The following YARS1 variants were observed in gnomAD, a reference collection of about 807,000 sequenced individuals.
YARS1 encodes the protein tyrosyl-tRNA synthetase 1.
A neutral mutation model predicts 62.2 loss-of-function variants in YARS1; 36 were observed. The observed-to-expected ratio is 0.58, with a 90% CI of 0.44 to 0.76. The LOEUF (loss-of-function observed/expected upper bound fraction) is 0.76, where lower values mean the gene tolerates loss of function less well. YARS1 is among the 30% of genes least tolerant of loss of function. The pLI is 0.00. For synonymous variants in YARS1, 234 were observed against 244.9 expected (o/e 0.96, Z 0.42); for missense variants, 524 against 639.8 (o/e 0.82, Z 1.95).
chr1:32,780,971 G>C (rs1653034109), intron 10 of YARS1, 77 bp downstream of exon 10: 1 of 1,363,118 alleles, frequency 7.3e-7, no homozygotes, highest in African/African-American at 1.4e-5. Context: ...CCCATCTCCA[G>C]GCCACGTTTC....
intron 5 of YARS1, among the ~76,000 whole-genome samples, chr1:32,795,021 AAAAAAAAG>A (rs1653531761): frequency 6.8e-6 from 1 of 148,120 alleles, no homozygotes; most frequent in South Asian, 2.1e-4. Flanking sequence ...AAAAAAAAAA[AAAAAAAAG>A]ATGAGTTTTG....
chr1:32,785,733 C>T (rs1207123157), intron 8 of YARS1, among the ~76,000 whole-genome samples: 1 of 151,674 alleles, frequency 6.6e-6, no homozygotes, highest in African/African-American at 2.4e-5. Context: ...CAGGTGCGTG[C>T]CACCATGCCT....
chr1:32,790,096 C>T (rs982816102), intron 6 of YARS1, among the ~76,000 whole-genome samples: 1 of 148,460 alleles, frequency 6.7e-6, no homozygotes, highest in African/African-American at 2.5e-5. Context: ...GTTGGACAGG[C>T]TGGTCTCGAA....
intron 1 of YARS1, among the ~76,000 whole-genome samples, chr1:32,816,530 A>G (rs1440002165): frequency 1.3e-5 from 2 of 152,206 alleles, no homozygotes; most frequent in Non-Finnish European, 2.9e-5. Flanking sequence ...GGGGTAAGCA[A>G]TATAAATATT....
intron 4 of YARS1, among the ~76,000 whole-genome samples, chr1:32,801,333 C>T (rs1402925464): frequency 1.3e-5 from 2 of 151,850 alleles, no homozygotes; most frequent in East Asian, 1.9e-4. Context: ...TTTTGTTTCT[C>T]GGTGCATATA....
chr1:32,802,705 G>A (rs1638329716), intron 4 of YARS1, among the ~76,000 whole-genome samples: 1 of 152,156 alleles, frequency 6.6e-6, no homozygotes, highest in Admixed American at 6.6e-5. Context: ...TCTTTTTGAG[G>A]AGTAGGTCTC....
At chr1:32,803,724 T>G (rs376359295) in intron 4 of YARS1, among the ~76,000 whole-genome samples, 1 of 151,968 alleles carries the variant, frequency 6.6e-6, no homozygotes, top group South Asian at 2.1e-4. Context: ...CAGGGCTTGC[T>G]GCTTCACCTT....
In YARS1 at chr1:32,807,001, G is replaced by T. The variant is rs1404548475; in HGVS notation, c.381-390C>A. ...AGAAGCTAATCTTGAAACAAACTAG[G>T]CATGGAGCCCAGACTGCAGAATCCT... On this transcript the variant is annotated intron_variant, in intron 3 of 12. Transcript: ENST00000373477. Among the ~76,000 whole-genome samples, 3 of 152,268 alleles carry T rather than the reference G, an allele frequency of 2.0e-5. No homozygotes were observed. In the East Asian group the frequency reaches 5.8e-4, roughly 29 times the overall value.
At chr1:32,794,358 T>C (rs1314890357) in intron 5 of YARS1, among the ~76,000 whole-genome samples, 1 of 148,990 alleles carries the variant, frequency 6.7e-6, no homozygotes. Flanking sequence ...TCAGAAAAAT[T>C]AAAAAAAAAA....
At chr1:32,789,112 C>T (rs1298749321) in intron 6 of YARS1, among the ~76,000 whole-genome samples, 1 of 152,202 alleles carries the variant, frequency 6.6e-6, no homozygotes, top group Non-Finnish European at 1.5e-5. Context: ...AGGTGTGAAC[C>T]ACAATGTGTG....
chr1:32,784,405 A>C (rs1306283338), intron 8 of YARS1, among the ~76,000 whole-genome samples: 1 of 151,972 alleles, frequency 6.6e-6, no homozygotes, highest in Non-Finnish European at 1.5e-5. Flanking sequence ...TATATATGGT[A>C]TTATCACATC....
intron 4 of YARS1, among the ~76,000 whole-genome samples, chr1:32,804,793 C>T (rs1410221841): frequency 4.6e-5 from 7 of 151,958 alleles, no homozygotes; most frequent in East Asian, 2.0e-4. Context: ...AGACGATGGG[C>T]GGCCAGGCAG....
chr1:32,780,200 C>T lies in YARS1; in HGVS notation c.1219G>A (p.Val407Ile), dbSNP rs1653007176. ...AGTTCCTCCTTGGGCACGAACTGTA[C>T]CAGGCCGCTCACCACAGTCCGTGGT... ...AEPRTVVSGL[V>I]QFVPKEELQD... Residue 407 changes from valine (V) to isoleucine (I), a missense_variant, in exon 11 of 13, where the codon GTA (valine) becomes ATA (isoleucine). By Grantham distance (29) the Val-to-Ile change is conservative. Transcript: ENST00000373477. The T allele has an allele frequency of 6.2e-7, 1 of 1,614,192 alleles. No homozygotes were observed. The highest frequency in any genetic ancestry group is 8.5e-7 in the Non-Finnish European group (1 of 1,180,046).
Position 32,810,911 on chromosome 1 carries a change from C to T in YARS1, c.204G>A (p.Glu68=), listed in dbSNP as rs1244802503. ...KIADFLKAGC[E]VTILFADLHA... is the part of the protein sequence containing the mutation. Reference sequence around the variant, plus strand: ...AAGGGCTTATAGCATTAGTTCTTACCTCACACCCTGCCTTTAAGAAGTCTG... The same window carrying T: ...AAGGGCTTATAGCATTAGTTCTTACTTCACACCCTGCCTTTAAGAAGTCTG... The change falls in exon 2 of 13, where the codon GAG becomes GAA. Residue 68 remains glutamate (E), a splice_region_variant and synonymous_variant. Coordinates refer to ENST00000373477, the MANE Select transcript of YARS1 (RefSeq NM_003680.4). The T allele has an allele frequency of 6.2e-7, 1 of 1,614,112 alleles. No homozygotes were observed. The highest frequency in any genetic ancestry group is 8.5e-7 in the Non-Finnish European group (1 of 1,180,036).
chr1:32,780,840 GCTGAGTTC>G, intron 10 of YARS1, 200 bp downstream of exon 10: 1 of 622,408 alleles, frequency 1.6e-6, no homozygotes, highest in East Asian at 2.9e-5. Flanking sequence ...CGTCCCCCAT[GCTGAGTTC>G]CTGGCTGTGT....
chr1:32,796,236 C>T lies in YARS1; in HGVS notation c.591+1527G>A, dbSNP rs376449106. On this transcript the variant is annotated intron_variant, in intron 5 of 12. Transcript: ENST00000373477. ...ACTTGAACCTGGGAAACAGAGGTTG[C>T]AGTGAGCCGAGATCGCGCCACTGCA... Among the ~76,000 whole-genome samples the T allele has an allele frequency of 2.8e-4, 42 of 152,230 alleles. No individual in the cohort carries two copies. In the East Asian group the frequency reaches 3.9e-3, roughly 14 times the overall value.
chr1:32,809,594 T>C (rs891532920), intron 3 of YARS1, among the ~76,000 whole-genome samples: 4 of 152,278 alleles, frequency 2.6e-5, no homozygotes, highest in African/African-American at 7.2e-5. Context: ...AAGAAAATTA[T>C]ATTAGATGCA....
intron 5 of YARS1, among the ~76,000 whole-genome samples, chr1:32,791,702 T>C (rs1653417435): frequency 6.6e-6 from 1 of 152,112 alleles, no homozygotes; most frequent in Non-Finnish European, 1.5e-5. Context: ...CTCGGGAGGC[T>C]GAGGCAGTAG....
intron 1 of YARS1, among the ~76,000 whole-genome samples, chr1:32,811,889 GC>G (rs1232942575): frequency 6.6e-6 from 1 of 152,156 alleles, no homozygotes; most frequent in Admixed American, 6.6e-5. Flanking sequence ...TAAACTTTAA[GC>G]CCCCCAACTG....
Sources: gnomAD v4.1 joint callset for allele counts (sites outside exome capture counted in the v4.1 genomes callset) on GRCh38, gnomAD v4.1.1 for gene constraint, MANE v1.5 for transcripts, NCBI Gene and HGNC (gene_info 2026-07-23, HGNC 2026-07-21) for gene names.